CUX1: variants seen among roughly 807,000 people sequenced by gnomAD.
The protein encoded by CUX1 is protein CASP.
In CUX1, 31 loss-of-function variants were observed where a neutral mutation model predicts 158.8. That is an observed-to-expected ratio of 0.20 (90% CI 0.15 to 0.26). CUX1 has a LOEUF of 0.26. Ranked by LOEUF, CUX1 falls within the 10% of genes least tolerant of loss-of-function variation. The pLI is 1.00. For synonymous variants in CUX1, 879 were observed against 862.1 expected (o/e 1.02, Z -0.34); for missense variants, 1,589 against 2,014.6 (o/e 0.79, Z 4.04).
intron 2 of CUX1, among the ~76,000 whole-genome samples, chr7:101,941,929 T>C (rs1807765333): frequency 6.6e-6 from 1 of 152,122 alleles, no homozygotes; most frequent in African/African-American, 2.4e-5. Context: ...GGTTTCTCTC[T>C]CTCCCTCCCC....
At chr7:102,074,868 G>A (rs911037125) in intron 4 of CUX1, among the ~76,000 whole-genome samples, 2 of 152,128 alleles carry the variant, frequency 1.3e-5, no homozygotes, top group African/African-American at 4.8e-5. Context: ...TGAGCTTTTT[G>A]TTTTTCTTGA....
At chr7:102,163,498 G>T (rs552777209) in intron 9 of CUX1, among the ~76,000 whole-genome samples, 1 of 152,180 alleles carries the variant, frequency 6.6e-6, no homozygotes, top group South Asian at 2.1e-4. Flanking sequence ...CCTGTGGGAG[G>T]GTCTGAGTAT....
At chr7:101,820,716 C>T (rs1326563000) in intron 1 of CUX1, among the ~76,000 whole-genome samples, 2 of 152,134 alleles carry the variant, frequency 1.3e-5, no homozygotes, top group Non-Finnish European at 2.9e-5. Flanking sequence ...AAACCAGACC[C>T]TTAATCTTAT....
At chr7:102,128,929 G>T (rs1405695291) in intron 8 of CUX1, among the ~76,000 whole-genome samples, 1 of 151,784 alleles carries the variant, frequency 6.6e-6, no homozygotes, top group Non-Finnish European at 1.5e-5. Flanking sequence ...AGTGAGCTGA[G>T]ATCCCGCCAC....
Position 102,251,998 on chromosome 7 carries a change from T to C in CUX1, c.*2956T>C. On this transcript the variant is annotated 3_prime_UTR_variant, in exon 24 of 24. Coordinates refer to ENST00000292535, the MANE Select transcript of CUX1 (RefSeq NM_181552.4). Reference sequence around the variant, plus strand: ...TCTTTTCTGTTTTTACTTCTTAGATTTTTAACTAGGTTACTGTTGGTTCCC... The same window carrying C: ...TCTTTTCTGTTTTTACTTCTTAGATCTTTAACTAGGTTACTGTTGGTTCCC... The C allele has an allele frequency of 1.0e-6, 1 of 985,442 alleles. No individual in the cohort carries two copies. Among genetic ancestry groups the C allele is most frequent in the East Asian group, 1.1e-4 (1 of 8,818 alleles). 61.0% of individuals were successfully genotyped at this position (985,442 alleles called of 1,614,324 possible). A position where few individuals can be genotyped will look rare whatever the true frequency, so the allele number is the denominator to read the frequency against.
chr7:101,889,556 A>G (rs1162802548), intron 1 of CUX1, among the ~76,000 whole-genome samples: 1 of 152,182 alleles, frequency 6.6e-6, no homozygotes, highest in African/African-American at 2.4e-5. Context: ...GGATCACTTG[A>G]GGTCAGGGGT....
intron 3 of CUX1, among the ~76,000 whole-genome samples, chr7:102,030,691 G>GTTTTTTGTTTTTTGTTTTTTGTTT (rs1554459486): frequency 8.4e-6 from 1 of 119,386 alleles, no homozygotes; most frequent in African/African-American, 3.1e-5. Flanking sequence ...TTTAAAAAGT[G>GTTTTTTGTTTTTTGTTTTTTGTTT]TTTTTTTTTT....
At chr7:102,084,492 T>C (rs993148937) in intron 4 of CUX1, among the ~76,000 whole-genome samples, 2 of 130,400 alleles carry the variant, frequency 1.5e-5, no homozygotes, top group Admixed American at 1.6e-4. Context: ...GGCACAATCT[T>C]GGCTCAGTGC....
At chr7:101,865,353 A>G (rs1432347881) in intron 1 of CUX1, among the ~76,000 whole-genome samples, 2 of 152,252 alleles carry the variant, frequency 1.3e-5, no homozygotes, top group Admixed American at 6.5e-5. Flanking sequence ...GTGTGTGCAC[A>G]TGACCTTTTG....
intron 2 of CUX1, among the ~76,000 whole-genome samples, chr7:101,999,945 A>T (rs1189269299): frequency 6.6e-6 from 1 of 152,120 alleles, no homozygotes; most frequent in African/African-American, 2.4e-5. Flanking sequence ...GGCAAGGCAC[A>T]GTGGCTTATG....
At chr7:102,093,490 A>G (rs1828867482) in intron 4 of CUX1, among the ~76,000 whole-genome samples, 1 of 152,162 alleles carries the variant, frequency 6.6e-6, no homozygotes, top group Admixed American at 6.5e-5. Flanking sequence ...CCTGGCCAGT[A>G]AGCAGAAATC....
chr7:102,278,657 A>AATAAAATAAAAAAAAAAATAT (rs781848717), intron 18 of CUX1, among the ~76,000 whole-genome samples: 1 of 99,106 alleles, frequency 1.0e-5, no homozygotes, highest in Admixed American at 1.0e-4. Context: ...AATAAAATAA[A>AATAAAATAAAAAAAAAAATAT]AAAATAAAAT....
intron 3 of CUX1, among the ~76,000 whole-genome samples, chr7:102,046,434 C>T (rs373682): frequency 0.76 from 116,290 of 152,028 alleles, 44,733 homozygotes; most frequent in East Asian, 0.99. Context: ...GGTTTCGTCA[C>T]GTTAGCCAGG....
At chr7:101,938,668 G>A (rs1807242431) in intron 2 of CUX1, among the ~76,000 whole-genome samples, 1 of 152,140 alleles carries the variant, frequency 6.6e-6, no homozygotes, top group South Asian at 2.1e-4. Context: ...CACTTTGGGA[G>A]GCCGAGGTTG....
intron 2 of CUX1, among the ~76,000 whole-genome samples, chr7:101,966,394 A>G (rs1010567368): frequency 6.6e-5 from 10 of 151,916 alleles, no homozygotes; most frequent in South Asian, 4.1e-4. Flanking sequence ...GAGATTTGCA[A>G]CAATTAATAC....
intron 7 of CUX1, among the ~76,000 whole-genome samples, chr7:102,112,532 C>T (rs1323306124): frequency 2.0e-5 from 3 of 151,696 alleles, no homozygotes; most frequent in South Asian, 4.2e-4. Context: ...TGAGCCACCG[C>T]GCCCAGCCCT....
At position 101,965,011 on chromosome 7, in the gene CUX1, C is replaced by T. The variant is rs368019950; in HGVS notation, c.141+48786C>T. 2.4e-4 allele frequency among the ~76,000 whole-genome samples: 37 copies of T among 152,268 alleles called. 1 individual carries two copies. Among genetic ancestry groups the T allele is most frequent in the Admixed American group, 2.3e-3 (35 of 15,282 alleles). ...AGTAGGGTTTAATGGTGATTAAAGG[C>T]GTGGTCTTCATTTTGACACCTTTTG... On this transcript the variant is annotated intron_variant, in intron 2 of 23. Coordinates refer to ENST00000292535, the MANE Select transcript of CUX1 (RefSeq NM_181552.4).
rs757913760 is a variant in CUX1, at chr7:101,930,133, C to T, written c.141+13908C>T. Among the ~76,000 whole-genome samples the T allele has an allele frequency of 1.9e-3, 290 of 152,330 alleles. 1 individual carries two copies. Among genetic ancestry groups the T allele is most frequent in the Non-Finnish European group, 2.0e-3 (136 of 68,028 alleles). On this transcript the variant is annotated intron_variant, in intron 2 of 23. Transcript: ENST00000292535. ...CTGGGATTACAGGCATGCGTCACCA[C>T]GCCTGGCCCAGAAGCCAAATTTTTA...
At chr7:102,258,699 C>T (rs1790151326), downstream of CUX1, among the ~76,000 whole-genome samples, 1 of 152,214 alleles carries the variant, frequency 6.6e-6, no homozygotes, top group South Asian at 2.1e-4. Context: ...AGGACTACGG[C>T]CAGTCTCCTC....
Sources: allele counts gnomAD v4.1 joint callset (sites outside exome capture counted in the v4.1 genomes callset), GRCh38; gene constraint gnomAD v4.1.1; transcripts MANE v1.5; gene names NCBI Gene and HGNC (gene_info 2026-07-23, HGNC 2026-07-21).